IKZF1: variants seen among roughly 807,000 people sequenced by gnomAD.
The protein encoded by IKZF1 is IKAROS family zinc finger 1, also known as DNA-binding protein Ikaros.
IKZF1 carries 10 observed loss-of-function variants against 51.7 expected under a neutral mutation model. That is an observed-to-expected ratio of 0.19 (90% CI 0.12 to 0.33). The LOEUF (loss-of-function observed/expected upper bound fraction) is 0.33. Among genes scored for constraint, IKZF1 ranks in the 10% least tolerant of loss-of-function variants. The pLI is 1.00. For missense variants in IKZF1, 484 were observed against 707.5 expected (o/e 0.68, Z 3.58); for synonymous variants, 280 against 282.3 (o/e 0.99, Z 0.08).
At chr7:50,353,713 G>A (rs560590494) in intron 3 of IKZF1, among the ~76,000 whole-genome samples, 1 of 152,304 alleles carries the variant, frequency 6.6e-6, no homozygotes, top group Non-Finnish European at 1.5e-5. Context: ...TATTCAAGGG[G>A]CTCTCTTTTC....
chr7:50,382,452 C>G, intron 4 of IKZF1, 88 bp from the exon 5 acceptor site: 1 of 1,465,196 alleles, frequency 6.8e-7, no homozygotes, highest in Non-Finnish European at 9.1e-7. Context: ...AGTCACCAGG[C>G]CCCCGTGGGA....
Position 50,404,410 on chromosome 7 carries a change from A to G in IKZF1, c.*3783A>G. ...ATTTTGAAATGCTTCTTCTGTAGTGATAGAACAAATAAATGCAACGAATAC... is the reference window on the plus strand; with the variant it reads ...ATTTTGAAATGCTTCTTCTGTAGTGGTAGAACAAATAAATGCAACGAATAC... On this transcript the variant is annotated 3_prime_UTR_variant, in exon 8 of 8. Transcript: ENST00000331340. 1 of 228,314 alleles carries G rather than the reference A, an allele frequency of 4.4e-6. No homozygotes were observed. The highest frequency in any genetic ancestry group is 6.2e-5 in the East Asian group (1 of 16,086). The allele number at this position is 228,314 out of a possible 1,614,324, so 14.1% of individuals were successfully genotyped here.
At chr7:50,349,963 G>C (rs75115608) in intron 3 of IKZF1, among the ~76,000 whole-genome samples, 1 of 152,212 alleles carries the variant, frequency 6.6e-6, no homozygotes, top group Non-Finnish European at 1.5e-5. Flanking sequence ...TCAGAAAGCC[G>C]TAGGTTTGAA....
chr7:50,394,142 G>A (rs1451528826), intron 7 of IKZF1: 1 of 232,648 alleles, frequency 4.3e-6, no homozygotes, highest in African/African-American at 2.2e-5. Context: ...GAGTTCCCAG[G>A]GGACATAGTA....
chr7:50,309,492 T>TG (rs981157972), intron 1 of IKZF1, among the ~76,000 whole-genome samples: 6 of 152,060 alleles, frequency 3.9e-5, no homozygotes, highest in African/African-American at 1.4e-4. Flanking sequence ...CTATAATTGG[T>TG]GGGGGGTTTG....
chr7:50,321,735 G>A (rs766641518), intron 2 of IKZF1, among the ~76,000 whole-genome samples: 14 of 152,034 alleles, frequency 9.2e-5, no homozygotes, highest in Non-Finnish European at 1.3e-4. Context: ...TCAGTATTCC[G>A]ATCTCGTATC....
intron 5 of IKZF1, among the ~76,000 whole-genome samples, chr7:50,385,611 G>A (rs1270670143): frequency 6.6e-6 from 1 of 152,164 alleles, no homozygotes; most frequent in Non-Finnish European, 1.5e-5. Flanking sequence ...GTTGCTTACA[G>A]TGAACATACT....
chr7:50,392,537 C>T (rs1013173902), intron 7 of IKZF1, among the ~76,000 whole-genome samples: 2 of 152,280 alleles, frequency 1.3e-5, no homozygotes, highest in African/African-American at 2.4e-5. Context: ...GCTTGGGAAC[C>T]AGCTCAGAGT....
intron 3 of IKZF1, among the ~76,000 whole-genome samples, chr7:50,335,549 G>T (rs1478466628): frequency 6.9e-6 from 1 of 145,912 alleles, no homozygotes; most frequent in Non-Finnish European, 1.5e-5. Context: ...ATGTGTGTAT[G>T]GGATGTGTGG....
chr7:50,342,986 T>G (rs1799417232), intron 3 of IKZF1, among the ~76,000 whole-genome samples: 1 of 152,108 alleles, frequency 6.6e-6, no homozygotes, highest in African/African-American at 2.4e-5. Context: ...TGCTTGCCCT[T>G]TTGTTTCTTT....
At chr7:50,351,723 G>A (rs1241804054) in intron 3 of IKZF1, among the ~76,000 whole-genome samples, 4 of 152,186 alleles carry the variant, frequency 2.6e-5, no homozygotes, top group Non-Finnish European at 4.4e-5. Context: ...ACCTTGGCCA[G>A]TATTACCTTA....
chr7:50,330,141 G>A (rs1302362861), intron 3 of IKZF1, among the ~76,000 whole-genome samples: 1 of 152,174 alleles, frequency 6.6e-6, no homozygotes, highest in African/African-American at 2.4e-5. Flanking sequence ...TTGGAGTCAG[G>A]GGCGGGTTTG....
intron 4 of IKZF1, among the ~76,000 whole-genome samples, chr7:50,381,085 G>A (rs1420161531): frequency 6.6e-6 from 1 of 152,038 alleles, no homozygotes; most frequent in Non-Finnish European, 1.5e-5. Context: ...ATTAGTTTCA[G>A]CTTTTATAGT....
intron 1 of IKZF1, among the ~76,000 whole-genome samples, chr7:50,310,695 G>A (rs545743611): frequency 2.6e-5 from 4 of 152,202 alleles, no homozygotes; most frequent in Non-Finnish European, 5.9e-5. Context: ...CCAGCGCTGA[G>A]CTCCCTATTG....
At chr7:50,385,324 A>G (rs1407574952) in intron 5 of IKZF1, among the ~76,000 whole-genome samples, 1 of 152,184 alleles carries the variant, frequency 6.6e-6, no homozygotes, top group Non-Finnish European at 1.5e-5. Context: ...ACTCTACTCC[A>G]TTGTGGAATG....
At chr7:50,338,925 A>G (rs1309303038) in intron 3 of IKZF1, among the ~76,000 whole-genome samples, 1 of 152,228 alleles carries the variant, frequency 6.6e-6, no homozygotes, top group Non-Finnish European at 1.5e-5. Flanking sequence ...GAGATAACAG[A>G]AACTTATAGG....
chr7:50,321,231 T>C (rs1047509879), intron 2 of IKZF1, among the ~76,000 whole-genome samples: 6 of 152,190 alleles, frequency 3.9e-5, no homozygotes, highest in African/African-American at 1.2e-4. Context: ...CCTTTTAGCA[T>C]TATTTGAATT....
intron 3 of IKZF1, chr7:50,368,133 G>A (rs184665037): frequency 8.7e-5 from 61 of 702,752 alleles, no homozygotes; most frequent in Non-Finnish European, 1.2e-4. Context: ...AATATCGTAC[G>A]TGCATGTTCC....
At chr7:50,368,576 GA>G in intron 3 of IKZF1, 1 of 528,136 alleles carries the variant, frequency 1.9e-6, no homozygotes, top group Non-Finnish European at 3.3e-6. Context: ...ATCGCTGCTG[GA>G]GCCAACGTAC....
Sources: gnomAD v4.1 joint callset for allele counts (sites outside exome capture counted in the v4.1 genomes callset) on GRCh38, gnomAD v4.1.1 for gene constraint, MANE v1.5 for transcripts, NCBI Gene and HGNC (gene_info 2026-07-23, HGNC 2026-07-21) for gene names.